Variants in SLC6A3 observed in about 807,000 individuals in gnomAD.
The protein encoded by SLC6A3 is solute carrier family 6 member 3, also known as sodium-dependent dopamine transporter.
In SLC6A3, 19 loss-of-function variants were observed where a neutral mutation model predicts 70.4. The ratio of observed to expected loss-of-function variants is 0.27; its 90% CI spans 0.19 to 0.40. SLC6A3 has a LOEUF of 0.40. Ranked by LOEUF, SLC6A3 falls within the 10% of genes least tolerant of loss-of-function variation. The probability of loss-of-function intolerance (pLI) is 1.00; values close to 1 mark genes in which losing one functional copy is unlikely to be tolerated. For missense variants in SLC6A3, 613 were observed against 838.5 expected (o/e 0.73, Z 3.32); for synonymous variants, 368 against 356.6 (o/e 1.03, Z -0.36).
chr5:1,401,131 C>T lies in SLC6A3; in HGVS notation c.1768-145G>A, dbSNP rs1306807306. 3 of 716,584 alleles carry T rather than the reference C, an allele frequency of 4.2e-6. No individual in the cohort carries two copies. The highest frequency in any genetic ancestry group is 7.6e-6 in the Non-Finnish European group (3 of 395,660). The allele number at this position is 716,584 out of a possible 1,614,324, so 44.4% of individuals were successfully genotyped here. ...CTGCCAATGCCCACCCGCTGGCATC[C>T]ATATCACCAGCGCCCACCACTGACT... is the stretch of plus-strand genomic sequence containing the variant. On this transcript the variant is annotated intron_variant, in intron 13 of 14. Coordinates refer to ENST00000270349, the MANE Select transcript of SLC6A3 (RefSeq NM_001044.5). The surrounding 1 kb of genome is among the most constrained non-coding windows in gnomAD (Gnocchi z 6.1).
At chr5:1,427,818 C>T (rs1053753002) in intron 4 of SLC6A3, among the ~76,000 whole-genome samples, 3 of 152,164 alleles carry the variant, frequency 2.0e-5, no homozygotes, top group Non-Finnish European at 4.4e-5. Flanking sequence ...CATGTATGCA[C>T]TTCATAGCAG....
In SLC6A3 at chr5:1,442,665, C is replaced by G. The variant is rs1199490804; in HGVS notation, c.286+247G>C. On this transcript the variant is annotated intron_variant, in intron 2 of 14. Transcript: ENST00000270349. This position sits in a 1 kb window ranked among gnomAD's most constrained non-coding sequence, Gnocchi z 5.0. The stretch of plus-strand genomic sequence containing the variant: ...GCCCCGTCTGCCGCCCCCCACCCCC[C>G]AGCTTCTTCGCGGGCCTCCCTTTCC... Among the ~76,000 whole-genome samples, 3 of 152,162 alleles carry G rather than the reference C, an allele frequency of 2.0e-5. No individual in the cohort carries two copies. Among genetic ancestry groups the G allele is most frequent in the African/African-American group, 7.2e-5 (3 of 41,440 alleles).
rs1225676452 is a variant in SLC6A3, at chr5:1,442,635, A to G, written c.286+277T>C. 6.6e-6 allele frequency among the ~76,000 whole-genome samples: 1 copy of G among 151,964 alleles called. No individual in the cohort carries two copies. Among genetic ancestry groups the G allele is most frequent in the Non-Finnish European group, 1.5e-5 (1 of 67,980 alleles). ...GCCTCTGGAAACAGGAGGCAGAGCC[A>G]AGCTGCCCCGTCTGCCGCCCCCCAC... On this transcript the variant is annotated intron_variant, in intron 2 of 14. Transcript: ENST00000270349. The surrounding 1 kb of genome is among the most constrained non-coding windows in gnomAD (Gnocchi z 5.0).
chr5:1,433,733 C>T (rs1286094544), intron 3 of SLC6A3, among the ~76,000 whole-genome samples: 2 of 151,968 alleles, frequency 1.3e-5, no homozygotes, highest in Admixed American at 6.6e-5. Flanking sequence ...CCATAGCCAT[C>T]CACAACCATT....
chr5:1,411,175 G>A lies in SLC6A3; in HGVS notation c.1269+68C>T. 1 of 1,115,946 alleles carries A rather than the reference G, an allele frequency of 9.0e-7. No individual in the cohort carries two copies. The highest frequency in any genetic ancestry group is 2.0e-5 in the Admixed American group (1 of 50,484). 69.1% of individuals were successfully genotyped at this position (1,115,946 alleles called of 1,614,324 possible). A position where few individuals can be genotyped will look rare whatever the true frequency, so the allele number is the denominator to read the frequency against. Reference sequence around the variant, plus strand: ...CAGGGATCTTGCCTAGCCCTGGGAGGGCAGGGCCCCCTCGGGTGGAAGGAA... The same window carrying A: ...CAGGGATCTTGCCTAGCCCTGGGAGAGCAGGGCCCCCTCGGGTGGAAGGAA... On this transcript the variant is annotated intron_variant, in intron 9 of 14. Transcript: ENST00000270349. The surrounding 1 kb of genome is among the most constrained non-coding windows in gnomAD (Gnocchi z 6.5).
Position 1,397,305 on chromosome 5 carries a change from C to T in SLC6A3, c.1840-2547G>A, listed in dbSNP as rs971039962. ...GAAACCAAATTAACGGTGGTGGGTG[C>T]CTGCAGTCCCAGCTACTCGGGAGGC... is the stretch of plus-strand genomic sequence containing the variant. On this transcript the variant is annotated intron_variant, in intron 14 of 14. Coordinates refer to ENST00000270349, the MANE Select transcript of SLC6A3 (RefSeq NM_001044.5). The surrounding 1 kb of genome is among the most constrained non-coding windows in gnomAD (Gnocchi z 4.7). Among the ~76,000 whole-genome samples the T allele has an allele frequency of 2.0e-5, 3 of 152,184 alleles. No homozygotes were observed. The highest frequency in any genetic ancestry group is 7.2e-5 in the African/African-American group (3 of 41,436).
intron 9 of SLC6A3, among the ~76,000 whole-genome samples, chr5:1,410,562 G>A (rs538536989): frequency 1.3e-5 from 2 of 152,244 alleles, no homozygotes; most frequent in African/African-American, 2.4e-5. Context: ...GGCTGGACCC[G>A]CCACCCCCAG....
intron 3 of SLC6A3, 104 bp from the exon 4 acceptor site, chr5:1,432,802 C>G: frequency 1.3e-6 from 1 of 799,674 alleles, no homozygotes; most frequent in South Asian, 1.4e-5. Flanking sequence ...TTACCCTGAG[C>G]CCACAACTCC....
intron 1 of SLC6A3, among the ~76,000 whole-genome samples, chr5:1,444,791 G>A (rs1733759209): frequency 6.6e-6 from 1 of 152,226 alleles, no homozygotes; most frequent in South Asian, 2.1e-4. Flanking sequence ...AGCAAAATGT[G>A]GCCCGTTAGA....
chr5:1,443,287 T>C, intron 1 of SLC6A3, 45 bp from the exon 2 acceptor site: 10 of 1,450,100 alleles, frequency 6.9e-6, no homozygotes, highest in Non-Finnish European at 9.6e-6. Context: ...AACGCAACAA[T>C]TCAGCAGCCA....
intron 10 of SLC6A3, 94 bp downstream of exon 10, chr5:1,409,627 G>T (rs1339515999): frequency 1.2e-5 from 17 of 1,476,264 alleles, no homozygotes; most frequent in Middle Eastern, 3.5e-4. Flanking sequence ...AAGTGCTGCG[G>T]TTCTGTCTGG....
At position 1,404,840 on chromosome 5, in the gene SLC6A3, G is replaced by A. The variant is rs999618494; in HGVS notation, c.1599+1348C>T. Among the ~76,000 whole-genome samples the A allele has an allele frequency of 1.3e-5, 2 of 152,264 alleles. No individual in the cohort carries two copies. The highest frequency in any genetic ancestry group is 4.8e-5 in the African/African-American group (2 of 41,470). ...AGTTTTATCTAAAAGTCTACGAAGT[G>A]TGTTTCTGTATGAAGTTCGAAGATT... On this transcript the variant is annotated intron_variant, in intron 12 of 14. Coordinates refer to ENST00000270349, the MANE Select transcript of SLC6A3 (RefSeq NM_001044.5). This position sits in a 1 kb window ranked among gnomAD's most constrained non-coding sequence, Gnocchi z 5.2.
At chr5:1,415,629 T>C (rs1219168199) in intron 7 of SLC6A3, among the ~76,000 whole-genome samples, 1 of 152,118 alleles carries the variant, frequency 6.6e-6, no homozygotes, top group Non-Finnish European at 1.5e-5. Context: ...TTTCTGTTTT[T>C]AGAAGGATTT....
At position 1,394,004 on chromosome 5, in the gene SLC6A3, C is replaced by A. The variant is rs1000362262; in HGVS notation, c.*731G>T. On this transcript the variant is annotated 3_prime_UTR_variant, in exon 15 of 15. Coordinates refer to ENST00000270349, the MANE Select transcript of SLC6A3 (RefSeq NM_001044.5). The surrounding 1 kb of genome is among the most constrained non-coding windows in gnomAD (Gnocchi z 4.7). ...CGCTCCTCTCAGGCCGTTCCCTACA[C>A]CGCAAGGACCCACAGGCTGCCTGAG... The A allele has an allele frequency of 6.4e-6, 1 of 155,852 alleles. No homozygotes were observed. Among genetic ancestry groups the A allele is most frequent in the Non-Finnish European group, 1.4e-5 (1 of 69,014 alleles). The allele number at this position is 155,852 out of a possible 1,614,324, so 9.7% of individuals were successfully genotyped here. A position where few individuals can be genotyped will look rare whatever the true frequency, so the allele number is the denominator to read the frequency against.
Position 1,426,663 on chromosome 5 carries a change from A to G in SLC6A3, c.654-4649T>C, listed in dbSNP as rs547274244. ...TCTGAAATTCTTCAATAAACCTTGA[A>G]GACATATGCTAAGGAAAATAAGGCA... On this transcript the variant is annotated intron_variant, in intron 4 of 14. Coordinates refer to ENST00000270349, the MANE Select transcript of SLC6A3 (RefSeq NM_001044.5). Among the ~76,000 whole-genome samples, 8 of 152,368 alleles carry G rather than the reference A, an allele frequency of 5.3e-5. No individual in the cohort carries two copies. The South Asian group carries it at 1.2e-3, about 24-fold the overall frequency.
rs1755663470 is a variant in SLC6A3 at position 1,394,471 on chromosome 5, C to T, written c.*264G>A. 10 of 593,968 alleles carry T rather than the reference C, an allele frequency of 1.7e-5. No homozygotes were observed. The South Asian group carries it at 1.8e-4, about 11-fold the overall frequency. The allele number at this position is 593,968 out of a possible 1,614,324, so 36.8% of individuals were successfully genotyped here. A position where few individuals can be genotyped will look rare whatever the true frequency, so the allele number is the denominator to read the frequency against. On this transcript the variant is annotated 3_prime_UTR_variant, in exon 15 of 15. Transcript: ENST00000270349. This position sits in a 1 kb window ranked among gnomAD's most constrained non-coding sequence, Gnocchi z 4.7. ...CAGCATGAAGTTAGACGTTTTTCTG[C>T]CCTGCAGGGACAACAACGGGGTGGA...
In SLC6A3 at chr5:1,401,303, A is replaced by C. The variant is rs1249424395; in HGVS notation, c.1768-317T>G. ...AACGTGGTCCTGGAGATGGCTCTTG[A>C]GTCTAAGCTACCACGTGTGCTGGGC... On this transcript the variant is annotated intron_variant, in intron 13 of 14. Transcript: ENST00000270349. The surrounding 1 kb of genome is among the most constrained non-coding windows in gnomAD (Gnocchi z 6.1). The C allele has an allele frequency of 1.7e-6, 1 of 577,214 alleles. No individual in the cohort carries two copies. Among genetic ancestry groups the C allele is most frequent in the African/African-American group, 1.8e-5 (1 of 54,382 alleles). 35.8% of individuals were successfully genotyped at this position (577,214 alleles called of 1,614,324 possible).
At chr5:1,400,883 C>G in intron 14 of SLC6A3, 32 bp downstream of exon 14, 2 of 1,518,200 alleles carry the variant, frequency 1.3e-6, no homozygotes, top group Non-Finnish European at 1.8e-6. Flanking sequence ...TGAATTCCCC[C>G]GAGAGAGGCC....
rs1277815728 is a variant in SLC6A3 at position 1,404,184 on chromosome 5, C to T, written c.1600-1095G>A. Among the ~76,000 whole-genome samples, 3 of 152,194 alleles carry T rather than the reference C, an allele frequency of 2.0e-5. No homozygotes were observed. Among genetic ancestry groups the T allele is most frequent in the Non-Finnish European group, 2.9e-5 (2 of 68,038 alleles). ...TCAGCATCTTCTTCATGCGCTACTT[C>T]GGGCCACTTGTAGGTTTGGAGCCGG... On this transcript the variant is annotated intron_variant, in intron 12 of 14. Transcript: ENST00000270349. This position sits in a 1 kb window ranked among gnomAD's most constrained non-coding sequence, Gnocchi z 5.2.
Sources: allele counts gnomAD v4.1 joint callset (sites outside exome capture counted in the v4.1 genomes callset), GRCh38; gene constraint gnomAD v4.1.1; non-coding constraint Gnocchi (gnomAD v3.1); transcripts MANE v1.5; gene names NCBI Gene and HGNC (gene_info 2026-07-23, HGNC 2026-07-21).